The following BMPR1A variants were observed in gnomAD, a reference collection of about 807,000 sequenced individuals.
BMPR1A encodes the protein bone morphogenetic protein receptor type 1A, also known as bone morphogenetic protein receptor type-1A.
In BMPR1A, 7 loss-of-function variants were observed where a neutral mutation model predicts 66.0. The observed-to-expected ratio is 0.11, with a 90% confidence interval of 0.06 to 0.20. The LOEUF (loss-of-function observed/expected upper bound fraction) is 0.20. Among genes scored for constraint, BMPR1A ranks in the 10% least tolerant of loss-of-function variants. The pLI is 1.00. For missense variants in BMPR1A, 408 were observed against 669.1 expected (o/e 0.61, Z 4.31); for synonymous variants, 200 against 229.7 (o/e 0.87, Z 1.17).
chr10:86,908,286 C>T (rs1349473207), intron 7 of BMPR1A, among the ~76,000 whole-genome samples: 2 of 152,146 alleles, frequency 1.3e-5, no homozygotes, highest in African/African-American at 2.4e-5. Flanking sequence ...CATTTTACAT[C>T]GTATACATGC....
chr10:86,883,418 C>T (rs922567828), intron 3 of BMPR1A, among the ~76,000 whole-genome samples: 1 of 151,734 alleles, frequency 6.6e-6, no homozygotes, highest in Admixed American at 6.6e-5. Context: ...GGCGTGGTGG[C>T]GGGCGCCTGT....
chr10:86,902,718 T>A (rs1250768736), intron 7 of BMPR1A, among the ~76,000 whole-genome samples: 2 of 152,194 alleles, frequency 1.3e-5, no homozygotes, highest in Non-Finnish European at 2.9e-5. Flanking sequence ...GTGAGCCTTG[T>A]GATTGCCCAC....
rs577294468 is a variant in BMPR1A at position 86,838,580 on chromosome 10, T to C, written c.-267-285T>C. ...AGCTATTCCTGTTCTTTTTTTTTTT[T>C]CAAATTGAGATGAGTTTTTTTTTTT... On this transcript the variant is annotated intron_variant, in intron 1 of 12. Coordinates refer to ENST00000372037, the MANE Select transcript of BMPR1A (RefSeq NM_004329.3). Among the ~76,000 whole-genome samples, 13 of 127,348 alleles carry C rather than the reference T, an allele frequency of 1.0e-4. No homozygotes were observed. The East Asian group carries it at 2.4e-3, about 23-fold the overall frequency. 83.5% of individuals were successfully genotyped at this position (127,348 alleles called of 152,430 possible).
At chr10:86,795,434 C>T (rs368052174) in intron 1 of BMPR1A, among the ~76,000 whole-genome samples, 84 of 148,570 alleles carry the variant, frequency 5.7e-4, no homozygotes, top group African/African-American at 2.0e-3. Context: ...TTTTTCCTAA[C>T]GCTGTAACAG....
intron 1 of BMPR1A, among the ~76,000 whole-genome samples, chr10:86,786,652 A>T (rs1288554727): frequency 6.6e-6 from 1 of 152,110 alleles, no homozygotes; most frequent in Non-Finnish European, 1.5e-5. Flanking sequence ...ATCTTATTTG[A>T]CCCACTGGCT....
At chr10:86,859,257 A>C (rs1220493248) in intron 2 of BMPR1A, among the ~76,000 whole-genome samples, 1 of 152,190 alleles carries the variant, frequency 6.6e-6, no homozygotes, top group Non-Finnish European at 1.5e-5. Flanking sequence ...ACAAAAATAA[A>C]CTCAAAATGG....
rs189061531 is a variant in BMPR1A at position 86,893,516 on chromosome 10, G to A, written c.333+1287G>A. Among the ~76,000 whole-genome samples, 5 of 152,192 alleles carry A rather than the reference G, an allele frequency of 3.3e-5. No individual in the cohort carries two copies. The East Asian group carries it at 5.8e-4, about 18-fold the overall frequency. ...GAAATTCTCAGGATGGAGGCCGGGCGCGGTGGCTCACGCCTGTAATCCCAG... is the reference window on the plus strand; with the variant it reads ...GAAATTCTCAGGATGGAGGCCGGGCACGGTGGCTCACGCCTGTAATCCCAG... On this transcript the variant is annotated intron_variant, in intron 5 of 12. Coordinates refer to ENST00000372037, the MANE Select transcript of BMPR1A (RefSeq NM_004329.3).
At chr10:86,911,221 G>A (rs1451703869) in intron 7 of BMPR1A, among the ~76,000 whole-genome samples, 1 of 150,872 alleles carries the variant, frequency 6.6e-6, no homozygotes, top group Non-Finnish European at 1.5e-5. Flanking sequence ...TTGGAAGGTT[G>A]TCTTAAGAGA....
At chr10:86,835,504 T>C (rs559801725) in intron 1 of BMPR1A, among the ~76,000 whole-genome samples, 9 of 120,586 alleles carry the variant, frequency 7.5e-5, no homozygotes, top group Admixed American at 5.5e-4. Context: ...TGAGCTGAGA[T>C]CGTGCCACTG....
intron 1 of BMPR1A, among the ~76,000 whole-genome samples, chr10:86,820,917 C>T (rs145208611): frequency 1.3e-4 from 20 of 152,240 alleles, no homozygotes; most frequent in African/African-American, 4.8e-4. Flanking sequence ...TTAAAAAAAT[C>T]ATCCTGCAGT....
chr10:86,837,249 G>GTGTGTGTGTGTGTGTGTC (rs1842365089), intron 1 of BMPR1A, among the ~76,000 whole-genome samples: 6 of 148,820 alleles, frequency 4.0e-5, no homozygotes, highest in East Asian at 3.9e-4. Flanking sequence ...GTGTGTGTCT[G>GTGTGTGTGTGTGTGTGTC]TGTGTGTGTG....
At chr10:86,800,621 G>A (rs1037557536) in intron 1 of BMPR1A, among the ~76,000 whole-genome samples, 3 of 152,178 alleles carry the variant, frequency 2.0e-5, no homozygotes, top group African/African-American at 7.2e-5. Context: ...TTGAACTCCT[G>A]AGCTCAAGTG....
intron 5 of BMPR1A, 33 bp downstream of exon 5, chr10:86,892,262 A>AAGGGAGGGGCCAT (rs1564715525): frequency 6.5e-7 from 1 of 1,546,266 alleles, no homozygotes; most frequent in East Asian, 2.3e-5. Context: ...TGAGACAAAG[A>AAGGGAGGGGCCAT]AGGGAGGGGC....
intron 3 of BMPR1A, among the ~76,000 whole-genome samples, chr10:86,889,406 C>T (rs563898812): frequency 6.6e-6 from 1 of 151,844 alleles, no homozygotes; most frequent in East Asian, 1.9e-4. Flanking sequence ...CTTAGTAACT[C>T]CTTTTCCACA....
chr10:86,812,773 T>C (rs1589728096), intron 1 of BMPR1A, among the ~76,000 whole-genome samples: 2 of 152,174 alleles, frequency 1.3e-5, no homozygotes, highest in Non-Finnish European at 2.9e-5. Context: ...AGTGGCACAT[T>C]GTTTCCAATT....
chr10:86,852,433 G>A (rs74324010), intron 2 of BMPR1A, among the ~76,000 whole-genome samples: 1,873 of 152,270 alleles, frequency 0.012, 48 homozygotes, highest in African/African-American at 0.043. Context: ...GCCCGGCACA[G>A]TGGTGTCCCC....
chr10:86,932,266 C>T (rs1465550297), downstream of BMPR1A: 1 of 152,138 alleles, frequency 6.6e-6, no homozygotes, highest in Non-Finnish European at 1.5e-5. Context: ...ATTACTTAAC[C>T]AATTATGTAC....
intron 1 of BMPR1A, among the ~76,000 whole-genome samples, chr10:86,833,941 GTTCT>G (rs941741763): frequency 3.9e-5 from 6 of 152,166 alleles, no homozygotes; most frequent in African/African-American, 1.4e-4. Flanking sequence ...AAGGACCCAG[GTTCT>G]TTCTATCTTT....
At chr10:86,804,723 T>G (rs1171068262) in intron 1 of BMPR1A, among the ~76,000 whole-genome samples, 1 of 151,996 alleles carries the variant, frequency 6.6e-6, no homozygotes, top group Non-Finnish European at 1.5e-5. Context: ...TTTAAACACC[T>G]TTATTTGGTC....
Sources: allele counts gnomAD v4.1 joint callset (sites outside exome capture counted in the v4.1 genomes callset), GRCh38; gene constraint gnomAD v4.1.1; transcripts MANE v1.5; gene names NCBI Gene and HGNC (gene_info 2026-07-23, HGNC 2026-07-21).